The following SERINC5 variants were observed in gnomAD, a reference collection of about 807,000 sequenced individuals.
SERINC5 encodes serine incorporator 5, also known as chromosome 5 open reading frame 12.
SERINC5 carries 41 observed loss-of-function variants against 63.1 expected under a neutral mutation model. The ratio of observed to expected loss-of-function variants is 0.65; its 90% CI spans 0.51 to 0.84. SERINC5 has a LOEUF of 0.84. SERINC5 is among the 40% of genes least tolerant of loss of function. The probability of loss-of-function intolerance (pLI) is 0.00; values close to 1 mark genes in which losing one functional copy is unlikely to be tolerated. For synonymous variants in SERINC5, 222 were observed against 215.2 expected, an observed-to-expected ratio of 1.03 and a Z score of -0.28; for missense variants, 523 against 573.0, an observed-to-expected ratio of 0.91 and a Z score of 0.89.
At chr5:80,228,077 A>G (rs1751248625) in intron 1 of SERINC5, among the ~76,000 whole-genome samples, 1 of 150,612 alleles carries the variant, frequency 6.6e-6, no homozygotes, top group African/African-American at 2.4e-5. Flanking sequence ...TGAAAAAAAA[A>G]AAAAATTAGC....
downstream of SERINC5, among the ~76,000 whole-genome samples, chr5:80,136,282 A>C (rs898984523): frequency 1.5e-5 from 2 of 136,466 alleles, no homozygotes; most frequent in Non-Finnish European, 3.1e-5. Flanking sequence ...GTCTCAAAAA[A>C]ACAAAAAAAA....
At chr5:80,220,942 T>G (rs1187404119) in intron 1 of SERINC5, among the ~76,000 whole-genome samples, 1 of 151,764 alleles carries the variant, frequency 6.6e-6, no homozygotes, top group Admixed American at 6.6e-5. Context: ...TTGAGCAGCG[T>G]GGATGAGGGA....
intron 5 of SERINC5, among the ~76,000 whole-genome samples, chr5:80,174,576 T>C (rs1747900498): frequency 6.6e-6 from 1 of 151,818 alleles, no homozygotes. Context: ...AATGAGCACA[T>C]TTTCTAGATT....
intron 11 of SERINC5, chr5:80,114,544 CTTGGG>C: frequency 1.1e-5 from 2 of 184,590 alleles, no homozygotes; most frequent in South Asian, 1.4e-4. Flanking sequence ...ACCCCAGCTA[CTTGGG>C]AGGCTGAGGC....
intron 1 of SERINC5, among the ~76,000 whole-genome samples, chr5:80,212,832 A>C (rs1448740670): frequency 1.3e-5 from 2 of 152,210 alleles, no homozygotes; most frequent in East Asian, 1.9e-4. Context: ...GTGTAACTGC[A>C]GGTAGTTCCT....
At chr5:80,183,525 G>A (rs1173796107) in intron 2 of SERINC5, among the ~76,000 whole-genome samples, 1 of 152,094 alleles carries the variant, frequency 6.6e-6, no homozygotes, top group Non-Finnish European at 1.5e-5. Context: ...GCACGTATAC[G>A]CCCAGATGGC....
intron 8 of SERINC5, among the ~76,000 whole-genome samples, chr5:80,154,985 G>A (rs910236469): frequency 6.6e-6 from 1 of 152,104 alleles, no homozygotes; most frequent in African/African-American, 2.4e-5. Context: ...ATCCACCAGT[G>A]TCCCTAAATA....
chr5:80,224,108 G>A (rs1751050987), intron 1 of SERINC5, among the ~76,000 whole-genome samples: 4 of 147,352 alleles, frequency 2.7e-5, no homozygotes, highest in African/African-American at 1.0e-4. Context: ...ACTCCAGCCT[G>A]GGCGACAAGA....
At chr5:80,138,174 G>C (rs1282217814), downstream of SERINC5, among the ~76,000 whole-genome samples, 1 of 152,022 alleles carries the variant, frequency 6.6e-6, no homozygotes, top group Non-Finnish European at 1.5e-5. Flanking sequence ...GGCTGGAGGT[G>C]GGGGACTGGG....
At chr5:80,184,013 T>C (rs1270845175) in intron 2 of SERINC5, among the ~76,000 whole-genome samples, 3 of 152,300 alleles carry the variant, frequency 2.0e-5, no homozygotes, top group Admixed American at 2.0e-4. Context: ...GGTTAAAATT[T>C]TCAGGTGCTG....
chr5:80,202,239 G>A (rs995237914), intron 2 of SERINC5, among the ~76,000 whole-genome samples: 5 of 151,404 alleles, frequency 3.3e-5, no homozygotes, highest in South Asian at 2.1e-4. Flanking sequence ...ACTCTGTCTC[G>A]AAAAAAAAGA....
chr5:80,212,480 C>T (rs1428620673), intron 1 of SERINC5, among the ~76,000 whole-genome samples: 1 of 152,176 alleles, frequency 6.6e-6, no homozygotes, highest in African/African-American at 2.4e-5. Flanking sequence ...TTTAGGGTTA[C>T]CTTTGAGTCA....
Position 80,143,649 on chromosome 5 carries a change from G to C in SERINC5, c.*14C>G, listed in dbSNP as rs1385941667. The C allele has an allele frequency of 1.3e-5, 20 of 1,535,158 alleles. No individual in the cohort carries two copies. The highest frequency in any genetic ancestry group is 5.9e-5 in the Admixed American group (3 of 50,966). On this transcript the variant is annotated 3_prime_UTR_variant, in exon 12 of 12. Transcript: ENST00000507668. ...GGCTGTAGGCCCACAAAGCCCAGGG[G>C]ACCGCCGATATCATCACACAGAGAA...
chr5:80,114,741 A>G (rs1744267447), intron 11 of SERINC5: 1 of 151,778 alleles, frequency 6.6e-6, no homozygotes, highest in Admixed American at 6.6e-5. Context: ...TCATGATCCA[A>G]TCACTCCCAC....
chr5:80,152,393 G>A (rs1746247014), intron 8 of SERINC5, among the ~76,000 whole-genome samples: 1 of 150,854 alleles, frequency 6.6e-6, no homozygotes, highest in African/African-American at 2.4e-5. Context: ...CCCAGCTACT[G>A]GGGAGGCTGA....
chr5:80,240,703 T>C (rs1751904680), intron 1 of SERINC5, among the ~76,000 whole-genome samples: 1 of 152,224 alleles, frequency 6.6e-6, no homozygotes, highest in Non-Finnish European at 1.5e-5. Context: ...ATCCCTCTGC[T>C]GCCCAGGCTG....
Position 80,139,263 on chromosome 5 carries a change from G to A in SERINC5, c.*4400C>T, listed in dbSNP as rs1745361193. The A allele has an allele frequency of 1.6e-5, 16 of 971,446 alleles. No individual in the cohort carries two copies. Among genetic ancestry groups the A allele is most frequent in the Non-Finnish European group, 2.0e-5 (16 of 817,356 alleles). 60.2% of individuals were successfully genotyped at this position (971,446 alleles called of 1,614,324 possible). A position where few individuals can be genotyped will look rare whatever the true frequency, so the allele number is the denominator to read the frequency against. ...TAAAAAGGCTTAAATCTTTAATAAA[G>A]GAAAACAAAACAATCCTCTTAAATT... On this transcript the variant is annotated 3_prime_UTR_variant, in exon 12 of 12. Transcript: ENST00000507668.
In SERINC5 at chr5:80,178,083, A is replaced by G. The variant is rs1384615399; in HGVS notation, c.196-19T>C. 10 of 1,565,044 alleles carry G rather than the reference A, an allele frequency of 6.4e-6. No homozygotes were observed. The highest frequency in any genetic ancestry group is 6.9e-6 in the Non-Finnish European group (8 of 1,153,658). On this transcript the variant is annotated intron_variant, in intron 2 of 11. Coordinates refer to ENST00000507668, the MANE Select transcript of SERINC5 (RefSeq NM_001174072.3). ...AAGGAATCTGAGGAGAAAGTTTAGA[A>G]AAGTCATCTGTTACAACTGAGTGAG... is the stretch of plus-strand genomic sequence containing the variant.
intron 1 of SERINC5, among the ~76,000 whole-genome samples, chr5:80,225,192 G>A (rs886836623): frequency 3.3e-5 from 5 of 152,114 alleles, no homozygotes; most frequent in African/African-American, 1.2e-4. Context: ...ACAACTTTTT[G>A]AGTACCTGTT....
Sources: gnomAD v4.1 joint callset for allele counts (sites outside exome capture counted in the v4.1 genomes callset) on GRCh38, gnomAD v4.1.1 for gene constraint, MANE v1.5 for transcripts, NCBI Gene and HGNC (gene_info 2026-07-23, HGNC 2026-07-21) for gene names.